SEMA3A: variants seen among roughly 807,000 people sequenced by gnomAD.
SEMA3A encodes the protein semaphorin-3A.
SEMA3A carries 29 observed loss-of-function variants against 97.9 expected under a neutral mutation model. The observed-to-expected ratio is 0.30, with a 90% CI of 0.22 to 0.40. The LOEUF (loss-of-function observed/expected upper bound fraction) is 0.40, where lower values mean the gene tolerates loss of function less well. SEMA3A is among the 10% of genes least tolerant of loss of function. The pLI is 1.00. For missense variants in SEMA3A, 763 were observed against 951.3 expected (o/e 0.80, Z 2.60); for synonymous variants, 321 against 323.7 (o/e 0.99, Z 0.09).
At chr7:84,040,609 T>C (rs952545628) in intron 6 of SEMA3A, among the ~76,000 whole-genome samples, 19 of 152,172 alleles carry the variant, frequency 1.2e-4, no homozygotes, top group African/African-American at 4.3e-4. Flanking sequence ...GGTCACACCA[T>C]GGTTACATGC....
intron 1 of SEMA3A, among the ~76,000 whole-genome samples, chr7:84,387,496 T>C (rs2116162484): frequency 6.6e-6 from 1 of 152,280 alleles, no homozygotes; most frequent in South Asian, 2.1e-4. Context: ...CTCACAATAT[T>C]TAATTTTGTT....
intron 1 of SEMA3A, among the ~76,000 whole-genome samples, chr7:84,466,783 G>A (rs2116400354): frequency 6.6e-6 from 1 of 152,306 alleles, no homozygotes; most frequent in South Asian, 2.1e-4. Flanking sequence ...TTGTGAGTGA[G>A]TCCCTAGCTG....
rs1562937950 is a variant in SEMA3A, at chr7:83,957,999, A to C, written c.*3372T>G. On this transcript the variant is annotated 3_prime_UTR_variant, in exon 17 of 17. Coordinates refer to ENST00000265362, the MANE Select transcript of SEMA3A (RefSeq NM_006080.3). ...ATTATACTAGTGGCTCCATATTAATAAAATGCTTGTCTGTGACCTTTAAGA... is the reference window on the plus strand; with the variant it reads ...ATTATACTAGTGGCTCCATATTAATCAAATGCTTGTCTGTGACCTTTAAGA... 6.6e-6 allele frequency: 1 copy of C among 152,098 alleles called. No homozygotes were observed. The highest frequency in any genetic ancestry group is 1.5e-5 in the Non-Finnish European group (1 of 67,960). The allele number at this position is 152,098 out of a possible 1,614,324, so 9.4% of individuals were successfully genotyped here.
intron 5 of SEMA3A, among the ~76,000 whole-genome samples, chr7:84,051,688 T>C (rs1201785868): frequency 2.6e-5 from 4 of 152,248 alleles, no homozygotes; most frequent in Admixed American, 1.3e-4. Context: ...TTTTCCTAAT[T>C]GAATACCCTT....
At chr7:84,140,549 C>G (rs951177549) in intron 1 of SEMA3A, among the ~76,000 whole-genome samples, 1 of 152,044 alleles carries the variant, frequency 6.6e-6, no homozygotes, top group Non-Finnish European at 1.5e-5. Flanking sequence ...GGCTTATGTC[C>G]TTTTTCCATG....
intron 5 of SEMA3A, among the ~76,000 whole-genome samples, chr7:84,048,511 TAA>T (rs1792454245): frequency 6.6e-6 from 1 of 151,940 alleles, no homozygotes; most frequent in Non-Finnish European, 1.5e-5. Context: ...TCTGAGTGAA[TAA>T]GAGGGTCTCA....
chr7:84,271,782 G>A (rs1800158051), intron 3 of SEMA3A, among the ~76,000 whole-genome samples: 2 of 152,056 alleles, frequency 1.3e-5, no homozygotes, highest in African/African-American at 4.8e-5. Flanking sequence ...ACTTTTCAAA[G>A]GTCATGCTCC....
chr7:84,018,361 T>G (rs1291785677), intron 6 of SEMA3A, among the ~76,000 whole-genome samples: 1 of 152,236 alleles, frequency 6.6e-6, no homozygotes, highest in East Asian at 1.9e-4. Context: ...TTACTATTTA[T>G]ATTTTCATTT....
At chr7:84,486,127 C>T (rs757472317) in intron 1 of SEMA3A, among the ~76,000 whole-genome samples, 11 of 152,054 alleles carry the variant, frequency 7.2e-5, no homozygotes, top group Admixed American at 2.0e-4. Flanking sequence ...TGGTGGCTCA[C>T]GCCTGTAATC....
chr7:84,307,856 T>G (rs2115850925), intron 2 of SEMA3A, among the ~76,000 whole-genome samples: 1 of 152,296 alleles, frequency 6.6e-6, no homozygotes, highest in South Asian at 2.1e-4. Flanking sequence ...ATTTAAAATG[T>G]GCTTTGGAAA....
chr7:84,460,762 G>T (rs1805815266), intron 1 of SEMA3A, among the ~76,000 whole-genome samples: 1 of 152,134 alleles, frequency 6.6e-6, no homozygotes, highest in African/African-American at 2.4e-5. Context: ...TGGATAGGCA[G>T]AGATTTGTCT....
At chr7:84,414,972 A>G (rs1435120750) in intron 1 of SEMA3A, among the ~76,000 whole-genome samples, 2 of 152,046 alleles carry the variant, frequency 1.3e-5, no homozygotes, top group Non-Finnish European at 2.9e-5. Context: ...ATAAAAAATA[A>G]ATACATCTAA....
At chr7:84,290,558 C>T (rs1030314194) in intron 3 of SEMA3A, among the ~76,000 whole-genome samples, 1 of 151,986 alleles carries the variant, frequency 6.6e-6, no homozygotes, top group African/African-American at 2.4e-5. Context: ...TTCAAATTGT[C>T]TCCTTTCCCA....
At chr7:83,971,403 G>T (rs1228140784) in intron 15 of SEMA3A, among the ~76,000 whole-genome samples, 1 of 149,306 alleles carries the variant, frequency 6.7e-6, no homozygotes, top group African/African-American at 2.5e-5. Context: ...TTGCACTCCA[G>T]CTTGGGCAAT....
intron 4 of SEMA3A, among the ~76,000 whole-genome samples, chr7:84,102,556 G>T (rs1406849101): frequency 6.7e-6 from 1 of 148,884 alleles, no homozygotes; most frequent in African/African-American, 2.5e-5. Flanking sequence ...GTATCCTCTG[G>T]TGTGAATACA....
intron 4 of SEMA3A, among the ~76,000 whole-genome samples, chr7:84,090,423 A>T (rs573916981): frequency 1.3e-3 from 199 of 150,020 alleles, no homozygotes; most frequent in African/African-American, 4.9e-3. Context: ...TTTGCAGACG[A>T]TTTGTCTAAA....
At chr7:84,142,980 T>C (rs1375763416) in intron 1 of SEMA3A, among the ~76,000 whole-genome samples, 1 of 152,188 alleles carries the variant, frequency 6.6e-6, no homozygotes, top group Non-Finnish European at 1.5e-5. Flanking sequence ...AGACCCTTCT[T>C]CATCATTCAC....
intron 1 of SEMA3A, among the ~76,000 whole-genome samples, chr7:84,146,252 G>A (rs1006623907): frequency 6.6e-6 from 1 of 152,096 alleles, no homozygotes; most frequent in Non-Finnish European, 1.5e-5. Context: ...GGAGGAAATG[G>A]TTAACTAGAT....
chr7:84,207,812 CCCTGCAATTGA>C (rs1798525645), intron 3 of SEMA3A, among the ~76,000 whole-genome samples: 1 of 151,994 alleles, frequency 6.6e-6, no homozygotes, highest in Non-Finnish European at 1.5e-5. Flanking sequence ...AGGCGGGTTT[CCCTGCAATTGA>C]GCTGCAATAA....
Sources: allele counts gnomAD v4.1 joint callset (sites outside exome capture counted in the v4.1 genomes callset), GRCh38; gene constraint gnomAD v4.1.1; transcripts MANE v1.5; gene names NCBI Gene and HGNC (gene_info 2026-07-23, HGNC 2026-07-21).